CHST9: variants seen among roughly 807,000 people sequenced by gnomAD.
CHST9 encodes carbohydrate sulfotransferase 9, also known as GalNAc-4-sulfotransferase 2.
In CHST9, 41 loss-of-function variants were observed where a neutral mutation model predicts 44.4. That is an observed-to-expected ratio of 0.92 (90% CI 0.72 to 1.20). The LOEUF is 1.20. Ranked by LOEUF, CHST9 falls within the 50% of genes most tolerant of loss-of-function variation. The pLI, the probability that CHST9 is intolerant of heterozygous loss-of-function variation, is 0.00. For missense variants in CHST9, 504 were observed against 516.5 expected, an observed-to-expected ratio of 0.98 and a Z score of 0.23; for synonymous variants, 171 against 178.4, an observed-to-expected ratio of 0.96 and a Z score of 0.33.
intron 1 of CHST9, among the ~76,000 whole-genome samples, chr18:27,143,896 A>C (rs941623643): frequency 3.3e-5 from 5 of 152,214 alleles, no homozygotes; most frequent in African/African-American, 1.2e-4. Context: ...CCACCATGGC[A>C]CATGTATACC....
intron 4 of CHST9, among the ~76,000 whole-genome samples, chr18:26,974,830 C>A (rs1244356177): frequency 6.6e-6 from 1 of 152,122 alleles, no homozygotes; most frequent in African/African-American, 2.4e-5. Context: ...TGTGCCACCA[C>A]GCCCGGCTAA....
intron 2 of CHST9, among the ~76,000 whole-genome samples, chr18:27,094,479 A>G (rs976478381): frequency 2.0e-4 from 31 of 152,210 alleles, no homozygotes; most frequent in Non-Finnish European, 1.5e-5. Flanking sequence ...TGAGTTCTCA[A>G]GTTTTCATTA....
In CHST9 at chr18:27,062,430, C is replaced by A. The variant is rs138886583; in HGVS notation, c.122-13927G>T. Among the ~76,000 whole-genome samples, 545 of 152,122 alleles carry A rather than the reference C, an allele frequency of 3.6e-3. 21 individuals carry two copies. In the East Asian group the frequency reaches 0.081, roughly 22 times the overall value. ...CGTGGTGTTTGGTTTTCTCTCCTTG[C>A]GATAGTTTGCTGAGAATGATGGTTT... On this transcript the variant is annotated intron_variant, in intron 2 of 5. Coordinates refer to ENST00000618847, the MANE Select transcript of CHST9 (RefSeq NM_031422.6).
At chr18:26,995,260 A>G (rs1374240447) in intron 4 of CHST9, among the ~76,000 whole-genome samples, 1 of 46,540 alleles carries the variant, frequency 2.1e-5, no homozygotes, top group Non-Finnish European at 3.3e-5. Context: ...CATCTCTACT[A>G]AAAAAAAAAA....
At position 26,916,776 on chromosome 18, in the gene CHST9, GTATT is replaced by G. The variant is rs2055534668; in HGVS notation, c.811_814del (p.Asn271LeufsTer15). 6.2e-7 allele frequency: 1 copy of G among 1,613,874 alleles called. No homozygotes were observed. The highest frequency in any genetic ancestry group is 8.5e-7 in the Non-Finnish European group (1 of 1,179,844). ...ACGAACAAACACAGCTTTGGTGTAA[GTATT>G]TAAGCGGGTATATATCCCTTTTAGG... is the stretch of plus-strand genomic sequence containing the variant. On this transcript the variant is annotated frameshift_variant, in exon 6 of 6. Coordinates refer to ENST00000618847, the MANE Select transcript of CHST9 (RefSeq NM_031422.6). LOFTEE classifies it high-confidence loss of function.
chr18:26,927,645 C>T (rs543335048), intron 5 of CHST9, among the ~76,000 whole-genome samples: 2 of 152,252 alleles, frequency 1.3e-5, no homozygotes, highest in East Asian at 3.9e-4. Flanking sequence ...TGTCTCAACT[C>T]CAGTCCTAAG....
intron 4 of CHST9, among the ~76,000 whole-genome samples, chr18:27,014,033 A>T (rs1441821760): frequency 1.3e-5 from 2 of 152,218 alleles, no homozygotes; most frequent in East Asian, 1.9e-4. Flanking sequence ...AAAATATGTG[A>T]GTGCAACAAA....
chr18:26,973,312 T>C (rs1489096307), intron 4 of CHST9, among the ~76,000 whole-genome samples: 1 of 151,894 alleles, frequency 6.6e-6, no homozygotes, highest in Non-Finnish European at 1.5e-5. Context: ...GTGTCTAGAG[T>C]GGTACCTGGC....
intron 3 of CHST9, among the ~76,000 whole-genome samples, chr18:27,034,152 G>GC (rs1334500738): frequency 6.6e-6 from 1 of 152,184 alleles, no homozygotes; most frequent in Non-Finnish European, 1.5e-5. Context: ...TTTATCCTCA[G>GC]CCCCCCAAAT....
intron 4 of CHST9, among the ~76,000 whole-genome samples, chr18:26,981,677 G>A (rs1419275543): frequency 1.3e-5 from 2 of 152,186 alleles, no homozygotes; most frequent in Non-Finnish European, 2.9e-5. Flanking sequence ...CATGTGTACA[G>A]TGCTTTGTAG....
intron 5 of CHST9, among the ~76,000 whole-genome samples, chr18:26,940,991 T>C (rs951617007): frequency 6.6e-6 from 1 of 152,160 alleles, no homozygotes; most frequent in African/African-American, 2.4e-5. Context: ...TGGCAAGCAC[T>C]AGAAGCTAAA....
At chr18:27,017,984 T>C (rs2057175337) in intron 4 of CHST9, among the ~76,000 whole-genome samples, 1 of 152,200 alleles carries the variant, frequency 6.6e-6, no homozygotes, top group African/African-American at 2.4e-5. Flanking sequence ...TAAGCCTCAA[T>C]TTATTGTGAA....
intron 2 of CHST9, among the ~76,000 whole-genome samples, chr18:27,120,179 C>T (rs2058362595): frequency 6.6e-6 from 1 of 152,064 alleles, no homozygotes; most frequent in Non-Finnish European, 1.5e-5. Context: ...ATATTGCTGG[C>T]AAGGAAACAG....
Position 27,111,139 on chromosome 18 carries a change from C to T in CHST9, c.121+31550G>A, listed in dbSNP as rs1052980974. 7.1e-4 allele frequency among the ~76,000 whole-genome samples: 108 copies of T among 152,306 alleles called. 1 individual carries two copies. The highest frequency in any genetic ancestry group is 2.4e-3 in the African/African-American group (98 of 41,566). The stretch of plus-strand genomic sequence containing the variant: ...TGCGGGGCTGATGACCATGAGAGAA[C>T]AAACCTTATTTGTAGGTAACTTCTT... On this transcript the variant is annotated intron_variant, in intron 2 of 5. Coordinates refer to ENST00000618847, the MANE Select transcript of CHST9 (RefSeq NM_031422.6).
chr18:27,144,233 A>C (rs2058593610), intron 1 of CHST9, among the ~76,000 whole-genome samples: 1 of 152,246 alleles, frequency 6.6e-6, no homozygotes, highest in African/African-American at 2.4e-5. Flanking sequence ...TATCTCTTCT[A>C]TTCCATTGCC....
chr18:26,953,483 G>T (rs967849187), intron 4 of CHST9, among the ~76,000 whole-genome samples: 1 of 152,268 alleles, frequency 6.6e-6, no homozygotes, highest in South Asian at 2.1e-4. Flanking sequence ...AGAGTAGGGG[G>T]AGAAATTGGA....
chr18:27,131,503 A>G (rs1178111884), intron 2 of CHST9, among the ~76,000 whole-genome samples: 1 of 152,184 alleles, frequency 6.6e-6, no homozygotes, highest in Non-Finnish European at 1.5e-5. Flanking sequence ...GTGAGCCAAG[A>G]TCGCACTATT....
At chr18:27,080,869 A>T (rs1053495051) in intron 2 of CHST9, among the ~76,000 whole-genome samples, 1 of 152,188 alleles carries the variant, frequency 6.6e-6, no homozygotes, top group Non-Finnish European at 1.5e-5. Flanking sequence ...TAAAGAAGTG[A>T]TCTATGTTTC....
intron 4 of CHST9, among the ~76,000 whole-genome samples, chr18:26,954,821 T>C (rs958976384): frequency 1.3e-5 from 2 of 152,152 alleles, no homozygotes; most frequent in Non-Finnish European, 2.9e-5. Flanking sequence ...TTGTTTCCTA[T>C]TCTATAATGT....
Sources: allele counts gnomAD v4.1 joint callset (sites outside exome capture counted in the v4.1 genomes callset), GRCh38; gene constraint gnomAD v4.1.1; transcripts MANE v1.5; gene names NCBI Gene and HGNC (gene_info 2026-07-23, HGNC 2026-07-21).